The following CHRM1 variants were observed in gnomAD, a reference collection of about 807,000 sequenced individuals.
The protein encoded by CHRM1 is cholinergic receptor muscarinic 1.
CHRM1 carries 5 observed loss-of-function variants against 31.6 expected under a neutral mutation model. That is an observed-to-expected ratio of 0.16 (90% CI 0.08 to 0.33). The LOEUF (loss-of-function observed/expected upper bound fraction) is 0.33, where lower values mean the gene tolerates loss of function less well. CHRM1 is among the 10% of genes least tolerant of loss of function. CHRM1 has a pLI of 1.00. For missense variants in CHRM1, 338 were observed against 610.3 expected, an observed-to-expected ratio of 0.55 and a Z score of 4.70; for synonymous variants, 227 against 249.7, an observed-to-expected ratio of 0.91 and a Z score of 0.86.
chr11:62,911,042 T>A lies in CHRM1; in HGVS notation c.59A>T (p.Lys20Met). Residue 20 changes from lysine (K) to methionine (M), a missense_variant, in exon 2 of 2, where the codon AAG becomes ATG. Physicochemically the swap from Lys to Met is moderately conservative, Grantham distance 95. This residue lies in a region of CHRM1 where 85 missense variants were observed against 257.7 expected (regional missense o/e 0.33). Coordinates refer to ENST00000306960, the MANE Select transcript of CHRM1 (RefSeq NM_000738.3). ...SPNITVLAPG[K>M]GPWQVAFIGI... ...AATGAAGGCCACTTGCCAGGGACCC[T>A]TTCCTGGTGCCAGGACGGTGATGTT... is the stretch of plus-strand genomic sequence containing the variant. 1.2e-6 allele frequency: 2 copies of A among 1,614,156 alleles called. No individual in the cohort carries two copies. Among genetic ancestry groups the A allele is most frequent in the Non-Finnish European group, 8.5e-7 (1 of 1,180,022 alleles).
chr11:62,910,100 C>G lies in CHRM1; in HGVS notation c.1001G>C (p.Arg334Pro), dbSNP rs778155335. 1 of 1,611,908 alleles carries G rather than the reference C, an allele frequency of 6.2e-7. No homozygotes were observed. Among genetic ancestry groups the G allele is most frequent in the Non-Finnish European group, 8.5e-7 (1 of 1,179,426 alleles). Residue 334 changes from arginine to proline, a missense_variant, in exon 2 of 2, where the codon CGT (arginine) becomes CCT (proline). Coordinates refer to ENST00000306960, the MANE Select transcript of CHRM1 (RefSeq NM_000738.3). This position sits in a 1 kb window ranked among gnomAD's most constrained non-coding sequence, Gnocchi z 8.7. ...CTTCTGGCCCTTGCCAGCTCGATCACGCCCTTTCTTAGTCGGCCTCTTGAC... is the reference window on the plus strand; with the variant it reads ...CTTCTGGCCCTTGCCAGCTCGATCAGGCCCTTTCTTAGTCGGCCTCTTGAC... ...NTVKRPTKKG[R>P]DRAGKGQKPR...
chr11:62,913,632 T>C (rs1489697023), intron 1 of CHRM1, among the ~76,000 whole-genome samples: 2 of 150,756 alleles, frequency 1.3e-5, no homozygotes, highest in Admixed American at 6.6e-5. Flanking sequence ...GATTGTGCCA[T>C]TGCACTCCAG....
chr11:62,917,705 G>C (rs983584717), intron 1 of CHRM1, among the ~76,000 whole-genome samples: 10 of 152,138 alleles, frequency 6.6e-5, no homozygotes, highest in African/African-American at 1.4e-4. Flanking sequence ...GCAAGGAGGG[G>C]CTTCTCTCCA....
chr11:62,921,490 G>A (rs931842167), upstream of CHRM1: 1 of 152,334 alleles, frequency 6.6e-6, no homozygotes, highest in African/African-American at 2.4e-5. Flanking sequence ...GGTTGGACTA[G>A]GTTCTGGAGT....
In CHRM1 at chr11:62,911,034, AG is replaced by A. The variant is rs2085868241; in HGVS notation, c.66del (p.Trp23GlyfsTer15). On this transcript the variant is annotated frameshift_variant, in exon 2 of 2. Transcript: ENST00000306960. LOFTEE classifies it high-confidence loss of function. Reference sequence around the variant, plus strand: ...GTGATCCCAATGAAGGCCACTTGCCAGGGACCCTTTCCTGGTGCCAGGACGG... The same window carrying A: ...GTGATCCCAATGAAGGCCACTTGCCAGGACCCTTTCCTGGTGCCAGGACGG... ...NITVLAPGKG[P>X]WQVAFIGITT... The A allele has an allele frequency of 6.2e-7, 1 of 1,614,066 alleles. No individual in the cohort carries two copies. The highest frequency in any genetic ancestry group is 8.5e-7 in the Non-Finnish European group (1 of 1,180,026).
chr11:62,910,392 T>C lies in CHRM1; in HGVS notation c.709A>G (p.Ser237Gly). Reference protein sequence around the residue: ...GSETPGKGGGSSSSSERSQPG... With the variant: ...GSETPGKGGGGSSSSERSQPG... ...TGAGACCTCTCTGAGCTGCTGCTGC[T>C]GCCACCCCCTTTGCCTGGCGTCTCG... The change falls in exon 2 of 2, where the codon AGC becomes GGC. Residue 237 changes from serine (S) to glycine (G), a missense_variant. By Grantham distance (56) the Ser-to-Gly change is moderately conservative (BLOSUM62 0). This residue lies in a region of CHRM1 where 183 missense variants were observed against 223.4 expected (regional missense o/e 0.82). Coordinates refer to ENST00000306960, the MANE Select transcript of CHRM1 (RefSeq NM_000738.3). The surrounding 1 kb of genome is among the most constrained non-coding windows in gnomAD (Gnocchi z 8.7). The C allele has an allele frequency of 3.1e-6, 5 of 1,611,402 alleles. No homozygotes were observed. Among genetic ancestry groups the C allele is most frequent in the Non-Finnish European group, 4.2e-6 (5 of 1,179,998 alleles).
At chr11:62,916,405 C>T (rs372753766) in intron 1 of CHRM1, among the ~76,000 whole-genome samples, 9 of 152,318 alleles carry the variant, frequency 5.9e-5, no homozygotes, top group African/African-American at 1.9e-4. Context: ...GTGCCCATCA[C>T]AAGGCTAGCT....
Position 62,910,273 on chromosome 11 carries a change from T to C in CHRM1, c.828A>G (p.Glu276=), listed in dbSNP as rs2085862415. The change falls in exon 2 of 2, where the codon GAA becomes GAG. Residue 276 remains glutamate, a synonymous_variant. Coordinates refer to ENST00000306960, the MANE Select transcript of CHRM1 (RefSeq NM_000738.3). This position sits in a 1 kb window ranked among gnomAD's most constrained non-coding sequence, Gnocchi z 8.7. ...TGGAGCCTTCGTCCTCTTCCTCTTC[T>C]TCCTTCCAGCTGTAGGCCTGCAGCA... ...PRLLQAYSWK[E]EEEEDEGSME... 6.2e-7 allele frequency: 1 copy of C among 1,613,296 alleles called. No homozygotes were observed. Among genetic ancestry groups the C allele is most frequent in the Admixed American group, 1.7e-5 (1 of 60,002 alleles).
intron 1 of CHRM1, 84 bp from the exon 2 acceptor site, chr11:62,911,262 T>G (rs1203159681): frequency 1.1e-5 from 8 of 698,096 alleles, no homozygotes; most frequent in Non-Finnish European, 1.9e-5. Flanking sequence ...ATGTAATTCT[T>G]GCCCTTGCAG....
intron 1 of CHRM1, among the ~76,000 whole-genome samples, chr11:62,916,384 T>C (rs2135046382): frequency 6.6e-6 from 1 of 152,318 alleles, no homozygotes; most frequent in South Asian, 2.1e-4. Context: ...TCAACTCAGA[T>C]TGCGAATACG....
intron 1 of CHRM1, among the ~76,000 whole-genome samples, chr11:62,917,335 G>A (rs138809615): frequency 1.5e-3 from 222 of 152,306 alleles, no homozygotes; most frequent in African/African-American, 5.0e-3. Flanking sequence ...TTGAAAAGGG[G>A]GCTTGAAGCT....
chr11:62,913,815 C>T (rs1340690837), intron 1 of CHRM1, among the ~76,000 whole-genome samples: 1 of 151,760 alleles, frequency 6.6e-6, no homozygotes, highest in Non-Finnish European at 1.5e-5. Flanking sequence ...TTAATCTTAA[C>T]AGGAGCCTAG....
At chr11:62,913,038 C>T (rs1379839044) in intron 1 of CHRM1, among the ~76,000 whole-genome samples, 1 of 152,142 alleles carries the variant, frequency 6.6e-6, no homozygotes, top group Non-Finnish European at 1.5e-5. Flanking sequence ...TGAGCAAGGA[C>T]TGTGGCTGGC....
intron 1 of CHRM1, among the ~76,000 whole-genome samples, chr11:62,914,223 C>T (rs1047094839): frequency 6.6e-6 from 1 of 152,024 alleles, no homozygotes; most frequent in Non-Finnish European, 1.5e-5. Context: ...GGATTACAGG[C>T]GTGAGCCACC....
chr11:62,911,209 G>T, intron 1 of CHRM1, 31 bp from the exon 2 acceptor site: 2 of 1,046,300 alleles, frequency 1.9e-6, no homozygotes, highest in Non-Finnish European at 2.8e-6. Context: ...CTTTGGTTGG[G>T]CCACTGGACA....
Position 62,910,235 on chromosome 11 carries a change from G to A in CHRM1, c.866C>T (p.Thr289Ile). ...EEDEGSMESL[T>I]SSEGEEPGSE... ...GCCAGGCTCCTCTCCCTCTGAGGAT[G>A]TGAGGGACTCCATGGAGCCTTCGTC... Residue 289 changes from threonine to isoleucine, a missense_variant, in exon 2 of 2, where the codon ACA becomes ATA. Physicochemically the swap from Thr to Ile is moderately conservative, Grantham distance 89. This residue lies in a region of CHRM1 where 183 missense variants were observed against 223.4 expected (regional missense o/e 0.82). Coordinates refer to ENST00000306960, the MANE Select transcript of CHRM1 (RefSeq NM_000738.3). The surrounding 1 kb of genome is among the most constrained non-coding windows in gnomAD (Gnocchi z 8.7). 6.2e-7 allele frequency: 1 copy of A among 1,612,512 alleles called. No individual in the cohort carries two copies. Among genetic ancestry groups the A allele is most frequent in the Non-Finnish European group, 8.5e-7 (1 of 1,179,462 alleles).
At chr11:62,912,736 G>A (rs2085878574) in intron 1 of CHRM1, among the ~76,000 whole-genome samples, 2 of 152,244 alleles carry the variant, frequency 1.3e-5, no homozygotes, top group African/African-American at 2.4e-5. Context: ...ATGTGATTTG[G>A]TGGGTCCCTT....
intron 1 of CHRM1, among the ~76,000 whole-genome samples, chr11:62,917,305 G>C (rs12272560): frequency 6.6e-6 from 1 of 152,154 alleles, no homozygotes; most frequent in Admixed American, 6.5e-5. Flanking sequence ...AAGAAGGAGG[G>C]ACTTAGGACA....
chr11:62,909,774 G>A lies in CHRM1; in HGVS notation c.1327C>T (p.Arg443Cys), dbSNP rs774444945. 2 of 1,614,168 alleles carry A rather than the reference G, an allele frequency of 1.2e-6. No individual in the cohort carries two copies. Among genetic ancestry groups the A allele is most frequent in the Admixed American group, 1.7e-5 (1 of 60,034 alleles). The change falls in exon 2 of 2, where the codon CGC becomes TGC. Residue 443 changes from arginine (R) to cysteine (C), a missense_variant. Transcript: ENST00000306960. Reference protein sequence around the residue: ...LLCRWDKRRWRKIPKRPGSVH... With the variant: ...LLCRWDKRRWCKIPKRPGSVH... Reference sequence around the variant, plus strand: ...GAGCCAGGGCGCTTGGGGATCTTGCGCCAGCGTCTCTTGTCCCAGCGGCAA... The same window carrying A: ...GAGCCAGGGCGCTTGGGGATCTTGCACCAGCGTCTCTTGTCCCAGCGGCAA...
Sources: allele counts gnomAD v4.1 joint callset (sites outside exome capture counted in the v4.1 genomes callset), GRCh38; gene constraint gnomAD v4.1.1; regional missense constraint gnomAD v4.1.1; non-coding constraint Gnocchi (gnomAD v3.1); transcripts MANE v1.5; gene names NCBI Gene and HGNC (gene_info 2026-07-23, HGNC 2026-07-21).